Variants in DPP10 observed in about 807,000 individuals in gnomAD.
The protein encoded by DPP10 is dipeptidyl peptidase like 10, also known as inactive dipeptidyl peptidase 10.
A neutral mutation model predicts 120.9 loss-of-function variants in DPP10; 33 were observed. The ratio of observed to expected loss-of-function variants is 0.27; its 90% confidence interval spans 0.21 to 0.37. The LOEUF is 0.37. Ranked by LOEUF, DPP10 falls within the 10% of genes least tolerant of loss-of-function variation. DPP10 has a pLI of 1.00. For missense variants in DPP10, 816 were observed against 942.8 expected (o/e 0.87, Z 1.76); for synonymous variants, 337 against 326.1 (o/e 1.03, Z -0.36).
chr2:114,565,813 C>A (rs1199167221), intron 1 of DPP10, among the ~76,000 whole-genome samples: 1 of 152,170 alleles, frequency 6.6e-6, no homozygotes, highest in Non-Finnish European at 1.5e-5. Context: ...TGGATATTTG[C>A]TAAGTGTCTG....
chr2:114,687,804 G>A (rs889510420), intron 1 of DPP10, among the ~76,000 whole-genome samples: 1 of 151,938 alleles, frequency 6.6e-6, no homozygotes, highest in Admixed American at 6.6e-5. Context: ...CGTTTTCACG[G>A]CATAGACTCG....
chr2:114,874,409 T>C (rs1335080945), intron 1 of DPP10, among the ~76,000 whole-genome samples: 1 of 152,022 alleles, frequency 6.6e-6, no homozygotes, highest in Non-Finnish European at 1.5e-5. Context: ...ATTTCCAACA[T>C]CCTATCTTGG....
At chr2:114,864,381 A>G (rs1368036531) in intron 1 of DPP10, among the ~76,000 whole-genome samples, 1 of 152,188 alleles carries the variant, frequency 6.6e-6, no homozygotes, top group Non-Finnish European at 1.5e-5. Flanking sequence ...AAGACTATGA[A>G]TGGAGACAAC....
At chr2:115,022,597 T>C (rs1703155700) in intron 1 of DPP10, among the ~76,000 whole-genome samples, 1 of 152,074 alleles carries the variant, frequency 6.6e-6, no homozygotes, top group Non-Finnish European at 1.5e-5. Flanking sequence ...ATAGATTGAA[T>C]GTAATTTCCA....
chr2:114,516,026 G>A (rs963118110), intron 1 of DPP10, among the ~76,000 whole-genome samples: 2 of 152,106 alleles, frequency 1.3e-5, no homozygotes, highest in African/African-American at 2.4e-5. Flanking sequence ...TCATGCAGAG[G>A]GTTTGTTAAA....
At chr2:115,767,330 C>A (rs1680882045) in intron 12 of DPP10, among the ~76,000 whole-genome samples, 2 of 152,106 alleles carry the variant, frequency 1.3e-5, no homozygotes, top group Admixed American at 1.3e-4. Context: ...TACTCAGGAC[C>A]CATATCAAAG....
intron 5 of DPP10, among the ~76,000 whole-genome samples, chr2:115,618,210 T>A (rs116447250): frequency 0.012 from 1,873 of 152,284 alleles, 18 homozygotes; most frequent in South Asian, 0.049. Context: ...ATAATATGCT[T>A]TCTACTAGGG....
At chr2:115,427,440 T>C (rs2070584642) in intron 3 of DPP10, among the ~76,000 whole-genome samples, 2 of 152,232 alleles carry the variant, frequency 1.3e-5, no homozygotes, top group African/African-American at 2.4e-5. Flanking sequence ...GCAGGGTGCA[T>C]GCCTACAGGC....
chr2:114,479,389 A>G (rs1027504549), intron 1 of DPP10, among the ~76,000 whole-genome samples: 1 of 146,094 alleles, frequency 6.8e-6, no homozygotes, highest in Non-Finnish European at 1.5e-5. Context: ...TGATAGAGAG[A>G]TACATAGATC....
At chr2:115,278,823 A>G (rs1559355540) in intron 1 of DPP10, among the ~76,000 whole-genome samples, 1 of 152,052 alleles carries the variant, frequency 6.6e-6, no homozygotes, top group Non-Finnish European at 1.5e-5. Flanking sequence ...TCAAATTTCA[A>G]CTTGAAGTTG....
chr2:114,829,632 C>T (rs1686898240), intron 1 of DPP10, among the ~76,000 whole-genome samples: 1 of 151,768 alleles, frequency 6.6e-6, no homozygotes. Context: ...CCGTCTCAGC[C>T]TCCCAAAGTG....
chr2:114,587,448 A>G (rs941461777), intron 1 of DPP10, among the ~76,000 whole-genome samples: 2 of 151,750 alleles, frequency 1.3e-5, no homozygotes, highest in African/African-American at 4.8e-5. Flanking sequence ...TTTTTTTCAT[A>G]GAATAGGATC....
chr2:115,647,265 T>C (rs1266801990), intron 5 of DPP10, among the ~76,000 whole-genome samples: 4 of 152,192 alleles, frequency 2.6e-5, no homozygotes, highest in Non-Finnish European at 4.4e-5. Flanking sequence ...CCCAGAGAAA[T>C]GCCTTCTGAA....
intron 1 of DPP10, among the ~76,000 whole-genome samples, chr2:114,476,909 C>T (rs371200212): frequency 1.3e-5 from 2 of 152,014 alleles, no homozygotes; most frequent in East Asian, 3.9e-4. Context: ...AAACCATTGT[C>T]TTGACTTCTG....
chr2:115,181,510 C>T (rs144907816), intron 1 of DPP10, among the ~76,000 whole-genome samples: 1,700 of 152,208 alleles, frequency 0.011, 22 homozygotes, highest in African/African-American at 0.028. Context: ...CTTTCTTTCT[C>T]CACATGGGTA....
intron 5 of DPP10, among the ~76,000 whole-genome samples, chr2:115,663,334 A>G (rs2089164620): frequency 6.6e-6 from 1 of 152,188 alleles, no homozygotes; most frequent in Admixed American, 6.5e-5. Context: ...ATGAAAACCA[A>G]TAATTAAATG....
chr2:114,780,222 G>A lies in DPP10; in HGVS notation c.60+337384G>A, dbSNP rs147411777. 8.2e-3 allele frequency among the ~76,000 whole-genome samples: 1,244 copies of A among 152,260 alleles called. 14 individuals carry two copies. Among genetic ancestry groups the A allele is most frequent in the African/African-American group, 0.029 (1,196 of 41,568 alleles). ...TCACAGGATCAAATATGATAATGCA[G>A]ACAAAACTGTTGTGATGATATAGAG... On this transcript the variant is annotated intron_variant, in intron 1 of 25. Transcript: ENST00000410059.
Position 114,996,560 on chromosome 2 carries a change from A to G in DPP10, c.61-312679A>G, listed in dbSNP as rs527258198. Among the ~76,000 whole-genome samples the G allele has an allele frequency of 4.6e-4, 70 of 152,268 alleles. 1 individual carries two copies. In the South Asian group the frequency reaches 7.7e-3, roughly 17 times the overall value. On this transcript the variant is annotated intron_variant, in intron 1 of 25. Transcript: ENST00000410059. ...CAGGCATTTCTTTTTTACTGGCTTT[A>G]TAGTTTAGGCAATATTAACACCTTA...
At chr2:114,911,893 A>G (rs1558871545) in intron 1 of DPP10, among the ~76,000 whole-genome samples, 1 of 152,172 alleles carries the variant, frequency 6.6e-6, no homozygotes, top group Non-Finnish European at 1.5e-5. Context: ...AGAACTTAGG[A>G]GGCTGAGAGA....
Sources: gnomAD v4.1 joint callset for allele counts (sites outside exome capture counted in the v4.1 genomes callset) on GRCh38, gnomAD v4.1.1 for gene constraint, MANE v1.5 for transcripts, NCBI Gene and HGNC (gene_info 2026-07-23, HGNC 2026-07-21) for gene names.